SLC9A9: variants seen among roughly 807,000 people sequenced by gnomAD.
SLC9A9 encodes the protein sodium/hydrogen exchanger 9.
SLC9A9 carries 62 observed loss-of-function variants against 77.8 expected under a neutral mutation model. That is an observed-to-expected ratio of 0.80 (90% confidence interval 0.65 to 0.98). The LOEUF (loss-of-function observed/expected upper bound fraction) is 0.98. Ranked by LOEUF, SLC9A9 falls within the 50% of genes least tolerant of loss-of-function variation. The pLI, the probability that SLC9A9 is intolerant of heterozygous loss-of-function variation, is 0.00. For missense variants in SLC9A9, 775 were observed against 774.9 expected (o/e 1.00, Z 0.00); for synonymous variants, 320 against 283.5 (o/e 1.13, Z -1.29).
chr3:143,490,223 T>A lies in SLC9A9; in HGVS notation c.1315+3430A>T, dbSNP rs180977440. Among the ~76,000 whole-genome samples the A allele has an allele frequency of 9.2e-5, 14 of 152,278 alleles. No individual in the cohort carries two copies. The East Asian group carries it at 2.7e-3, about 29-fold the overall frequency. ...TTTTGAAGAGGTGTCTGTGTACCCA[T>A]GTTTACAGCAGCATTGTTCACAATA... On this transcript the variant is annotated intron_variant, in intron 11 of 15. Coordinates refer to ENST00000316549, the MANE Select transcript of SLC9A9 (RefSeq NM_173653.4).
chr3:143,316,729 G>A (rs190309542), intron 14 of SLC9A9, among the ~76,000 whole-genome samples: 1 of 152,076 alleles, frequency 6.6e-6, no homozygotes, highest in South Asian at 2.1e-4. Flanking sequence ...AGGCCTGCTG[G>A]GAATCAGGAG....
At chr3:143,706,098 T>C (rs1272253713) in intron 4 of SLC9A9, among the ~76,000 whole-genome samples, 1 of 152,244 alleles carries the variant, frequency 6.6e-6, no homozygotes, top group Non-Finnish European at 1.5e-5. Flanking sequence ...GTTTCATCTA[T>C]ACTTGGGATG....
intron 4 of SLC9A9, chr3:143,698,063 A>G (rs1396582687): frequency 6.6e-6 from 1 of 152,276 alleles, no homozygotes; most frequent in African/African-American, 2.4e-5. Flanking sequence ...ACCCATTACC[A>G]GTCACCGTAT....
At chr3:143,384,093 A>C (rs913191577) in intron 12 of SLC9A9, among the ~76,000 whole-genome samples, 1 of 152,140 alleles carries the variant, frequency 6.6e-6, no homozygotes, top group Non-Finnish European at 1.5e-5. Flanking sequence ...TTGGGGTAGA[A>C]AAACTAGCTA....
chr3:143,347,171 A>T (rs1171802454), intron 14 of SLC9A9: 1 of 152,120 alleles, frequency 6.6e-6, no homozygotes, highest in African/African-American at 2.4e-5. Context: ...GACAGGTCAA[A>T]TTTTTCTCAG....
At chr3:143,796,598 G>T (rs923456050) in intron 3 of SLC9A9, among the ~76,000 whole-genome samples, 2 of 152,082 alleles carry the variant, frequency 1.3e-5, no homozygotes, top group Non-Finnish European at 2.9e-5. Context: ...CAGACAAGAC[G>T]CATTTCAAGA....
chr3:143,282,716 A>C (rs1008272978), intron 14 of SLC9A9, among the ~76,000 whole-genome samples: 1 of 152,224 alleles, frequency 6.6e-6, no homozygotes, highest in Non-Finnish European at 1.5e-5. Context: ...GAAGCTATAT[A>C]AAAAGATAAA....
At chr3:143,485,503 AGAAAAGACCT>A (rs2035640145) in intron 11 of SLC9A9, among the ~76,000 whole-genome samples, 1 of 152,236 alleles carries the variant, frequency 6.6e-6, no homozygotes, top group African/African-American at 2.4e-5. Context: ...GCATGGACTT[AGAAAAGACCT>A]GAGGAGACCT....
intron 5 of SLC9A9, among the ~76,000 whole-genome samples, chr3:143,668,933 GCCGCTTTTCAAGAAAT>G (rs528627874): frequency 6.6e-4 from 100 of 152,178 alleles, no homozygotes; most frequent in African/African-American, 2.3e-3. Context: ...TCCTTTCTTG[GCCGCTTTTCAAGAAAT>G]CCTGCCCAAG....
chr3:143,389,397 G>A (rs2033501890), intron 12 of SLC9A9, among the ~76,000 whole-genome samples: 1 of 152,172 alleles, frequency 6.6e-6, no homozygotes, highest in Non-Finnish European at 1.5e-5. Flanking sequence ...TATACATGAA[G>A]CGGTGGTGAG....
intron 5 of SLC9A9, among the ~76,000 whole-genome samples, chr3:143,664,103 G>C (rs1232598298): frequency 6.6e-6 from 1 of 152,064 alleles, no homozygotes; most frequent in Non-Finnish European, 1.5e-5. Context: ...GCCCACAAAG[G>C]GAATCCCAAC....
At chr3:143,440,631 T>C (rs1240668883) in intron 12 of SLC9A9, among the ~76,000 whole-genome samples, 2 of 152,214 alleles carry the variant, frequency 1.3e-5, no homozygotes, top group African/African-American at 4.8e-5. Context: ...TATGAGCCTG[T>C]CTGTGTTAGC....
intron 4 of SLC9A9, among the ~76,000 whole-genome samples, chr3:143,714,931 T>C (rs1274478981): frequency 1.3e-5 from 2 of 152,190 alleles, no homozygotes; most frequent in African/African-American, 4.8e-5. Flanking sequence ...GGGCAGGTCT[T>C]TCCTATGCGG....
chr3:143,557,396 T>C lies in SLC9A9; in HGVS notation c.1001-4946A>G, dbSNP rs554518631. Among the ~76,000 whole-genome samples, 4 of 152,248 alleles carry C rather than the reference T, an allele frequency of 2.6e-5. No individual in the cohort carries two copies. In the East Asian group the frequency reaches 7.7e-4, roughly 29 times the overall value. On this transcript the variant is annotated intron_variant, in intron 8 of 15. Coordinates refer to ENST00000316549, the MANE Select transcript of SLC9A9 (RefSeq NM_173653.4). ...CACCGAGTGGGGTGGGGTGTTTTTATAAGGATATCCAGAAATGTCGATGCA... is the reference window on the plus strand; with the variant it reads ...CACCGAGTGGGGTGGGGTGTTTTTACAAGGATATCCAGAAATGTCGATGCA...
chr3:143,582,733 G>T (rs576321224), intron 6 of SLC9A9, among the ~76,000 whole-genome samples: 1 of 152,258 alleles, frequency 6.6e-6, no homozygotes, highest in East Asian at 1.9e-4. Context: ...TGTGGGCAGG[G>T]GTCTGCTCCA....
intron 11 of SLC9A9, among the ~76,000 whole-genome samples, chr3:143,490,594 T>A (rs1161521811): frequency 6.6e-6 from 1 of 152,184 alleles, no homozygotes; most frequent in African/African-American, 2.4e-5. Flanking sequence ...TGGACAGTGG[T>A]GATGGTTGCA....
intron 2 of SLC9A9, among the ~76,000 whole-genome samples, chr3:143,798,970 C>T (rs1038671189): frequency 2.0e-5 from 3 of 152,182 alleles, no homozygotes; most frequent in South Asian, 2.1e-4. Context: ...CTTCCTCAGC[C>T]TCTGCTCCTC....
At position 143,422,737 on chromosome 3, in the gene SLC9A9, TA is replaced by T. The variant is rs374865591; in HGVS notation, c.1470-40624del. Among the ~76,000 whole-genome samples the T allele has an allele frequency of 2.2e-4, 33 of 152,188 alleles. 1 individual carries two copies. In the South Asian group the frequency reaches 6.4e-3, roughly 30 times the overall value. On this transcript the variant is annotated intron_variant, in intron 12 of 15. Coordinates refer to ENST00000316549, the MANE Select transcript of SLC9A9 (RefSeq NM_173653.4). ...TGCATGTGTAACCCTGAATCTAAAATAAAAGTTGACATTATTTAAAAAAAGG... is the reference window on the plus strand; with the variant it reads ...TGCATGTGTAACCCTGAATCTAAAATAAAGTTGACATTATTTAAAAAAAGG...
intron 12 of SLC9A9, among the ~76,000 whole-genome samples, chr3:143,445,748 T>A (rs532669568): frequency 6.6e-6 from 1 of 152,198 alleles, no homozygotes; most frequent in African/African-American, 2.4e-5. Context: ...CACTAGCCAA[T>A]AGGTGGCCAG....
Sources: allele counts gnomAD v4.1 joint callset (sites outside exome capture counted in the v4.1 genomes callset), GRCh38; gene constraint gnomAD v4.1.1; transcripts MANE v1.5; gene names NCBI Gene and HGNC (gene_info 2026-07-23, HGNC 2026-07-21).